The following FYB1 variants were observed in gnomAD, a reference collection of about 807,000 sequenced individuals.
FYB1 encodes FYN-binding protein 1.
FYB1 carries 41 observed loss-of-function variants against 94.1 expected under a neutral mutation model. The observed-to-expected ratio is 0.44, with a 90% CI of 0.34 to 0.57. The LOEUF is 0.57. Among genes scored for constraint, FYB1 ranks in the 20% least tolerant of loss-of-function variants. The pLI is 0.02. For synonymous variants in FYB1, 367 were observed against 353.2 expected (o/e 1.04, Z -0.44); for missense variants, 1,050 against 976.8 (o/e 1.07, Z -1.00).
chr5:39,107,666 T>G (rs1738652330), intron 18 of FYB1, among the ~76,000 whole-genome samples: 1 of 152,000 alleles, frequency 6.6e-6, no homozygotes, highest in African/African-American at 2.4e-5. Flanking sequence ...ACAAAATTTC[T>G]GGACAGATTT....
chr5:39,152,572 T>C (rs16868195), intron 3 of FYB1, among the ~76,000 whole-genome samples: 8,325 of 152,276 alleles, frequency 0.055, 744 homozygotes, highest in African/African-American at 0.19. Context: ...ATCTAGTCCA[T>C]TTTGTCTTAA....
intron 1 of FYB1, among the ~76,000 whole-genome samples, chr5:39,253,675 G>A (rs1358391462): frequency 6.6e-6 from 1 of 151,480 alleles, no homozygotes; most frequent in Admixed American, 6.5e-5. Flanking sequence ...ATAGGTAAAT[G>A]TGTGTTGTAA....
At chr5:39,233,510 T>C (rs1012397418) in intron 1 of FYB1, among the ~76,000 whole-genome samples, 5 of 152,320 alleles carry the variant, frequency 3.3e-5, no homozygotes, top group African/African-American at 1.2e-4. Flanking sequence ...ATGCTTTTGT[T>C]AACGTTGGTA....
chr5:39,171,069 C>T (rs909028783), intron 2 of FYB1, among the ~76,000 whole-genome samples: 2 of 152,072 alleles, frequency 1.3e-5, no homozygotes, highest in African/African-American at 4.8e-5. Flanking sequence ...GGAGGGGTGA[C>T]ATGAGGTCAG....
rs769019774 is a variant in FYB1, at chr5:39,202,151, C to A, written c.810G>T (p.Arg270Ser). 1.9e-6 allele frequency: 3 copies of A among 1,613,966 alleles called. No homozygotes were observed. Among genetic ancestry groups the A allele is most frequent in the Admixed American group, 1.7e-5 (1 of 60,022 alleles). The change falls in exon 2 of 19, where the codon AGG (arginine) becomes AGT (serine). Residue 270 changes from arginine (R) to serine (S), a missense_variant. Coordinates refer to ENST00000512982, the MANE Select transcript of FYB1 (RefSeq NM_001465.6). ...CATTTTTGGAGAGACCTGGGCCTCCCCTGCTCGCAGCAGGTTTCAAAACCA... is the reference window on the plus strand; with the variant it reads ...CATTTTTGGAGAGACCTGGGCCTCCACTGCTCGCAGCAGGTTTCAAAACCA... ...PGVVLKPAAS[R>S]GGPGLSKNGE... is the part of the protein sequence containing the mutation.
intron 1 of FYB1, among the ~76,000 whole-genome samples, chr5:39,259,640 A>C (rs1368592695): frequency 6.6e-6 from 1 of 152,252 alleles, no homozygotes; most frequent in Non-Finnish European, 1.5e-5. Context: ...CAGTTATATC[A>C]ATTAAATTAA....
chr5:39,200,910 T>A (rs1748252336), intron 2 of FYB1, among the ~76,000 whole-genome samples: 1 of 152,198 alleles, frequency 6.6e-6, no homozygotes, highest in Admixed American at 6.5e-5. Flanking sequence ...ACCTAAAATA[T>A]TAATCATCTC....
At chr5:39,219,628 C>A, upstream of FYB1, 1 of 985,032 alleles carries the variant, frequency 1.0e-6, no homozygotes, top group Non-Finnish European at 1.2e-6. Context: ...CACCTCCCTC[C>A]CCTGACCAGG....
chr5:39,216,094 G>C (rs935913783), intron 1 of FYB1, among the ~76,000 whole-genome samples: 8 of 152,112 alleles, frequency 5.3e-5, no homozygotes, highest in Admixed American at 2.0e-4. Flanking sequence ...AGCCTCCAGA[G>C]GGAACATGGT....
At chr5:39,239,150 A>C (rs1751097165) in intron 1 of FYB1, among the ~76,000 whole-genome samples, 1 of 152,152 alleles carries the variant, frequency 6.6e-6, no homozygotes, top group Admixed American at 6.6e-5. Context: ...TATGCATTGA[A>C]GGAACATACT....
intron 14 of FYB1, among the ~76,000 whole-genome samples, chr5:39,120,870 T>G (rs1740027735): frequency 6.6e-6 from 1 of 152,078 alleles, no homozygotes; most frequent in Admixed American, 6.6e-5. Context: ...TGCCTGCCTA[T>G]GGTAGTCTGG....
intron 2 of FYB1, among the ~76,000 whole-genome samples, chr5:39,184,587 A>T (rs2150435840): frequency 6.6e-6 from 1 of 152,322 alleles, no homozygotes; most frequent in South Asian, 2.1e-4. Context: ...CATTTGAAGG[A>T]ACAATTAATT....
At position 39,134,325 on chromosome 5, in the gene FYB1, AC is replaced by A; in HGVS notation, c.1699del (p.Val567Ter). The A allele has an allele frequency of 6.2e-7, 1 of 1,609,780 alleles. No homozygotes were observed. The highest frequency in any genetic ancestry group is 8.5e-7 in the Non-Finnish European group (1 of 1,176,848). ...TTTCAAAGAATCATAGTCAATCTCT[AC>A]AGCAGTTGTTTTAATATAGCCATCT... Reference protein sequence around the residue: ...GSYGYIKTTAVEIDYDSLKLK... With the variant: ...GSYGYIKTTAXEIDYDSLKLK... On this transcript the variant is annotated frameshift_variant, in exon 9 of 19. Coordinates refer to ENST00000512982, the MANE Select transcript of FYB1 (RefSeq NM_001465.6). LOFTEE classifies it high-confidence loss of function.
chr5:39,173,825 A>G (rs1745470939), intron 2 of FYB1, among the ~76,000 whole-genome samples: 1 of 152,154 alleles, frequency 6.6e-6, no homozygotes, highest in Non-Finnish European at 1.5e-5. Flanking sequence ...TACCAGTATC[A>G]TGCTCTTTGG....
chr5:39,248,657 C>T (rs985965789), intron 1 of FYB1, among the ~76,000 whole-genome samples: 2 of 151,924 alleles, frequency 1.3e-5, no homozygotes, highest in South Asian at 2.1e-4. Context: ...GCCAACATGG[C>T]GAAACCCCGT....
At chr5:39,166,703 CAG>C (rs149496184) in intron 2 of FYB1, among the ~76,000 whole-genome samples, 15,170 of 151,702 alleles carry the variant, frequency 0.1, 1,163 homozygotes, top group East Asian at 0.4. Flanking sequence ...AATTGAGAAA[CAG>C]AAAGTCAAAA....
At chr5:39,195,402 A>G (rs991787601) in intron 2 of FYB1, among the ~76,000 whole-genome samples, 1 of 152,174 alleles carries the variant, frequency 6.6e-6, no homozygotes, top group Non-Finnish European at 1.5e-5. Flanking sequence ...GAATGGGGGG[A>G]AAAAGAAAGG....
At chr5:39,173,716 T>A (rs549434159) in intron 2 of FYB1, among the ~76,000 whole-genome samples, 1 of 151,788 alleles carries the variant, frequency 6.6e-6, no homozygotes, top group Non-Finnish European at 1.5e-5. Context: ...CTCCATTGCT[T>A]ATTTTTGTCA....
intron 1 of FYB1, 100 bp from the exon 2 acceptor site, chr5:39,203,087 G>A (rs992347830): frequency 1.0e-6 from 1 of 989,594 alleles, no homozygotes; most frequent in South Asian, 1.6e-5. Flanking sequence ...GAGGCCTGCA[G>A]CGTTGCTGAT....
Sources: allele counts gnomAD v4.1 joint callset (sites outside exome capture counted in the v4.1 genomes callset), GRCh38; gene constraint gnomAD v4.1.1; transcripts MANE v1.5; gene names NCBI Gene and HGNC (gene_info 2026-07-23, HGNC 2026-07-21).